AP2B1: variants seen among roughly 807,000 people sequenced by gnomAD.
AP2B1 encodes AP-2 complex subunit beta.
In AP2B1, 23 loss-of-function variants were observed where a neutral mutation model predicts 102.0. The ratio of observed to expected loss-of-function variants is 0.23; its 90% confidence interval spans 0.16 to 0.32. AP2B1 has a LOEUF of 0.32. Ranked by LOEUF, AP2B1 falls within the 10% of genes least tolerant of loss-of-function variation. The pLI is 1.00. For missense variants in AP2B1, 541 were observed against 1,157.4 expected, an observed-to-expected ratio of 0.47 and a Z score of 7.73; for synonymous variants, 381 against 421.2, an observed-to-expected ratio of 0.90 and a Z score of 1.17.
Position 35,594,030 on chromosome 17 carries a change from C to G in AP2B1, c.-1C>G. 1 of 1,588,902 alleles carries G rather than the reference C, an allele frequency of 6.3e-7. No homozygotes were observed. The highest frequency in any genetic ancestry group is 8.6e-7 in the Non-Finnish European group (1 of 1,165,920). On this transcript the variant is annotated 5_prime_UTR_variant, in exon 2 of 22. Coordinates refer to ENST00000610402, the MANE Select transcript of AP2B1 (RefSeq NM_001030006.2). ...TAGGTGCACATTAAAGATCCAAAGT[C>G]ATGACTGACTCCAAGTATTTCACAA...
At chr17:35,613,434 C>T (rs1411768871) in intron 5 of AP2B1, among the ~76,000 whole-genome samples, 1 of 151,992 alleles carries the variant, frequency 6.6e-6, no homozygotes, top group Non-Finnish European at 1.5e-5. Context: ...GAATCACATA[C>T]ATCTTACTTT....
At chr17:35,675,999 T>A (rs560844750) in intron 17 of AP2B1, among the ~76,000 whole-genome samples, 1 of 152,278 alleles carries the variant, frequency 6.6e-6, no homozygotes, top group East Asian at 1.9e-4. Flanking sequence ...AATCTATAGG[T>A]TCCTCCTCCT....
chr17:35,669,708 ACT>A (rs1475608856), intron 14 of AP2B1, among the ~76,000 whole-genome samples: 5 of 152,052 alleles, frequency 3.3e-5, no homozygotes, highest in African/African-American at 9.7e-5. Flanking sequence ...TTTATGTACT[ACT>A]CTCTGTTCAT....
chr17:35,717,706 GT>G (rs1340135898), intron 21 of AP2B1, among the ~76,000 whole-genome samples: 1 of 152,176 alleles, frequency 6.6e-6, no homozygotes. Flanking sequence ...TGTTTACATA[GT>G]TAATGTCCAG....
intron 5 of AP2B1, among the ~76,000 whole-genome samples, chr17:35,614,904 A>G (rs1255665729): frequency 1.3e-5 from 2 of 152,188 alleles, no homozygotes; most frequent in African/African-American, 2.4e-5. Context: ...GCATGGGATT[A>G]TGATGGTGGT....
At chr17:35,712,891 A>G (rs898686772) in intron 20 of AP2B1, among the ~76,000 whole-genome samples, 2 of 152,230 alleles carry the variant, frequency 1.3e-5, no homozygotes, top group Non-Finnish European at 2.9e-5. Context: ...TGATCTGGAA[A>G]ACACTCTCCG....
At chr17:35,703,440 C>T (rs2076279374) in intron 18 of AP2B1, among the ~76,000 whole-genome samples, 1 of 152,100 alleles carries the variant, frequency 6.6e-6, no homozygotes, top group African/African-American at 2.4e-5. Flanking sequence ...AAATGCCCAT[C>T]AGTGATAGAC....
At chr17:35,601,131 T>A (rs961303854) in intron 3 of AP2B1, 1 of 376,560 alleles carries the variant, frequency 2.7e-6, no homozygotes, top group Non-Finnish European at 3.7e-6. Flanking sequence ...GAGGCAAAAT[T>A]GAGTTTGGTA....
intron 12 of AP2B1, among the ~76,000 whole-genome samples, chr17:35,649,010 G>A (rs2142809266): frequency 6.6e-6 from 1 of 152,228 alleles, no homozygotes; most frequent in African/African-American, 2.4e-5. Flanking sequence ...ACTCCTTTTG[G>A]AAGCAGTTAT....
chr17:35,604,614 C>T (rs1348837086), intron 3 of AP2B1, among the ~76,000 whole-genome samples: 5 of 151,884 alleles, frequency 3.3e-5, no homozygotes, highest in East Asian at 1.9e-4. Context: ...AAAAATTAGC[C>T]GGGAGTGGTG....
intron 9 of AP2B1, 48 bp from the exon 10 acceptor site, chr17:35,636,293 T>C: frequency 1.5e-6 from 2 of 1,356,640 alleles, no homozygotes; most frequent in Non-Finnish European, 2.1e-6. Flanking sequence ...GAGGTGGTGT[T>C]ATCGCATAGA....
At chr17:35,713,445 G>A (rs1021600718) in intron 20 of AP2B1, among the ~76,000 whole-genome samples, 2 of 152,166 alleles carry the variant, frequency 1.3e-5, no homozygotes, top group Non-Finnish European at 2.9e-5. Flanking sequence ...GGTCTGGAGT[G>A]CCCTGGCCTT....
chr17:35,627,815 A>G, intron 9 of AP2B1, 89 bp downstream of exon 9: 2 of 1,101,324 alleles, frequency 1.8e-6, no homozygotes, highest in Middle Eastern at 5.9e-4. Flanking sequence ...TAAGTTTATC[A>G]AAATAATAAA....
intron 12 of AP2B1, among the ~76,000 whole-genome samples, chr17:35,648,796 C>T (rs1029763845): frequency 8.1e-5 from 12 of 147,294 alleles, no homozygotes; most frequent in Non-Finnish European, 1.5e-4. Flanking sequence ...CAGATATATA[C>T]CACATTACTA....
In AP2B1 at chr17:35,670,912, G is replaced by C. The variant is rs777172229; in HGVS notation, c.2031+14G>C. On this transcript the variant is annotated intron_variant, in intron 15 of 21. Coordinates refer to ENST00000610402, the MANE Select transcript of AP2B1 (RefSeq NM_001030006.2). ...GGAAGTCCGGCAGTAAGTGCCATCT[G>C]TTTTTTTCACCATGAGAAGCACTGC... 5.6e-6 allele frequency: 9 copies of C among 1,613,738 alleles called. No individual in the cohort carries two copies. Among genetic ancestry groups the C allele is most frequent in the Non-Finnish European group, 7.6e-6 (9 of 1,179,892 alleles).
Position 35,703,039 on chromosome 17 carries a change from G to A in AP2B1, c.2455-6185G>A, listed in dbSNP as rs181045705. On this transcript the variant is annotated intron_variant, in intron 18 of 21. Transcript: ENST00000610402. The stretch of plus-strand genomic sequence containing the variant: ...TGTAATCCCAGCACTTTGGGAGGCC[G>A]AGGCAGGTGGATCATGAGGTCAGGA... 6.4e-3 allele frequency among the ~76,000 whole-genome samples: 973 copies of A among 152,144 alleles called. 9 individuals are homozygous for A. Among genetic ancestry groups the A allele is most frequent in the African/African-American group, 0.022 (924 of 41,490 alleles).
At chr17:35,624,121 T>G (rs765078050) in intron 5 of AP2B1, among the ~76,000 whole-genome samples, 3 of 152,246 alleles carry the variant, frequency 2.0e-5, no homozygotes, top group Non-Finnish European at 4.4e-5. Flanking sequence ...TTGAGTGCTG[T>G]TAACATGGTT....
chr17:35,648,773 T>TGTGTGTGTGTGA (rs1286612668), intron 12 of AP2B1, among the ~76,000 whole-genome samples: 1 of 148,840 alleles, frequency 6.7e-6, no homozygotes, highest in Non-Finnish European at 1.5e-5. Flanking sequence ...TGTGTGTGTG[T>TGTGTGTGTGTGA]GACCCATCTG....
rs1249137828 is a variant in AP2B1, at chr17:35,627,274, G to C, written c.939-111G>C. ...TTTTTTTTTTTTTTTTTTTTTGCCT[G>C]AGTGGAGCGAGAGGAGAGCAGAGAG... On this transcript the variant is annotated intron_variant, in intron 7 of 21. Coordinates refer to ENST00000610402, the MANE Select transcript of AP2B1 (RefSeq NM_001030006.2). 1.1e-5 allele frequency: 3 copies of C among 268,206 alleles called. No individual in the cohort carries two copies. In the African/African-American group the frequency reaches 1.3e-4, roughly 11 times the overall value. 16.6% of individuals were successfully genotyped at this position (268,206 alleles called of 1,614,324 possible).
Sources: allele counts gnomAD v4.1 joint callset (sites outside exome capture counted in the v4.1 genomes callset), GRCh38; gene constraint gnomAD v4.1.1; transcripts MANE v1.5; gene names NCBI Gene and HGNC (gene_info 2026-07-23, HGNC 2026-07-21).